VTA1: variants seen among roughly 807,000 people sequenced by gnomAD.
The protein encoded by VTA1 is vacuolar protein sorting-associated protein VTA1 homolog.
A neutral mutation model predicts 36.9 loss-of-function variants in VTA1; 24 were observed. The observed-to-expected ratio is 0.65, with a 90% CI of 0.47 to 0.91. The LOEUF (loss-of-function observed/expected upper bound fraction) is 0.91. VTA1 is among the 40% of genes least tolerant of loss of function. The pLI is 0.00. For synonymous variants in VTA1, 142 were observed against 130.2 expected, an observed-to-expected ratio of 1.09 and a Z score of -0.62; for missense variants, 393 against 377.2, an observed-to-expected ratio of 1.04 and a Z score of -0.35.
intron 1 of VTA1, among the ~76,000 whole-genome samples, chr6:142,161,078 T>TC (rs112484201): frequency 0.031 from 3,541 of 115,680 alleles, 215 homozygotes; most frequent in African/African-American, 0.072. Context: ...CTTCCTTCCT[T>TC]CCCCCCCCCC....
chr6:142,209,758 C>T (rs1179020477), intron 7 of VTA1, among the ~76,000 whole-genome samples: 4 of 151,566 alleles, frequency 2.6e-5, no homozygotes, highest in African/African-American at 9.7e-5. Context: ...TAGAAGTAGA[C>T]ACATAAAAAA....
At chr6:142,204,103 C>A in intron 7 of VTA1, 38 bp downstream of exon 7, 2 of 1,581,756 alleles carry the variant, frequency 1.3e-6, no homozygotes, top group South Asian at 1.1e-5. Context: ...ACATTTATCT[C>A]CTGTTTTGGG....
At chr6:142,179,056 G>T (rs2114654252) in intron 4 of VTA1, among the ~76,000 whole-genome samples, 1 of 151,926 alleles carries the variant, frequency 6.6e-6, no homozygotes, top group African/African-American at 2.4e-5. Context: ...AAATGTCTGT[G>T]CACCTAATAA....
chr6:142,174,871 G>A (rs1285596948), intron 4 of VTA1, among the ~76,000 whole-genome samples: 1 of 152,122 alleles, frequency 6.6e-6, no homozygotes, highest in Non-Finnish European at 1.5e-5. Context: ...CGACACGCTG[G>A]CTTCCTTTTG....
At chr6:142,187,666 C>G (rs1029051085) in intron 4 of VTA1, among the ~76,000 whole-genome samples, 2 of 152,082 alleles carry the variant, frequency 1.3e-5, no homozygotes, top group African/African-American at 4.8e-5. Flanking sequence ...AATGTCATAC[C>G]TGGAAGAAAA....
rs117642596 is a variant in VTA1, at chr6:142,163,991, G to T, written c.113-2237G>T. Among the ~76,000 whole-genome samples, 539 of 152,016 alleles carry T rather than the reference G, an allele frequency of 3.5e-3. 3 individuals are homozygous for T. Among genetic ancestry groups the T allele is most frequent in the Non-Finnish European group, 5.7e-3 (384 of 67,962 alleles). ...TTTCCATACTCTAGCCAATTGTTTTGCCAATCCCTGGGATCATATGGGACT... is the reference window on the plus strand; with the variant it reads ...TTTCCATACTCTAGCCAATTGTTTTTCCAATCCCTGGGATCATATGGGACT... On this transcript the variant is annotated intron_variant, in intron 1 of 7. Coordinates refer to ENST00000367630, the MANE Select transcript of VTA1 (RefSeq NM_016485.5).
chr6:142,194,445 T>C (rs1384162318), intron 5 of VTA1, among the ~76,000 whole-genome samples: 1 of 152,144 alleles, frequency 6.6e-6, no homozygotes, highest in African/African-American at 2.4e-5. Context: ...AGCGGTATTT[T>C]AGATTTTTTG....
At chr6:142,182,607 G>T (rs1299605755) in intron 4 of VTA1, among the ~76,000 whole-genome samples, 1 of 152,078 alleles carries the variant, frequency 6.6e-6, no homozygotes, top group African/African-American at 2.4e-5. Context: ...AAGATACAGA[G>T]AACTCAAAAA....
At chr6:142,161,835 G>A (rs1240290490) in intron 1 of VTA1, among the ~76,000 whole-genome samples, 1 of 152,068 alleles carries the variant, frequency 6.6e-6, no homozygotes, top group South Asian at 2.1e-4. Context: ...GTTTTCTTAA[G>A]TGAATTCAAG....
At chr6:142,151,503 T>C (rs929230441) in intron 1 of VTA1, among the ~76,000 whole-genome samples, 4 of 152,186 alleles carry the variant, frequency 2.6e-5, no homozygotes, top group Non-Finnish European at 5.9e-5. Flanking sequence ...CCTGCAAGGC[T>C]CTGCAGCTTA....
rs1420804433 is a variant in VTA1 at position 142,218,800 on chromosome 6, T to G, written c.*157T>G. On this transcript the variant is annotated 3_prime_UTR_variant, in exon 8 of 8. Transcript: ENST00000367630. ...TATCAGATTTTTATTGAAGCATTCA[T>G]CAGCAGCCTCAACCAGTTTTCATTG... The G allele has an allele frequency of 9.9e-6, 8 of 810,302 alleles. No individual in the cohort carries two copies. Among genetic ancestry groups the G allele is most frequent in the Non-Finnish European group, 1.4e-5 (8 of 557,388 alleles). The allele number at this position is 810,302 out of a possible 1,614,324, so 50.2% of individuals were successfully genotyped here. A position where few individuals can be genotyped will look rare whatever the true frequency, so the allele number is the denominator to read the frequency against.
chr6:142,157,597 C>T (rs913771761), intron 1 of VTA1, among the ~76,000 whole-genome samples: 6 of 152,032 alleles, frequency 3.9e-5, no homozygotes, highest in Non-Finnish European at 8.8e-5. Context: ...ATAACAGATT[C>T]TTAACTTTCA....
Position 142,170,441 on chromosome 6 carries a change from T to C in VTA1, c.411+20T>C. 6.6e-7 allele frequency: 1 copy of C among 1,505,940 alleles called. No homozygotes were observed. Among genetic ancestry groups the C allele is most frequent in the Non-Finnish European group, 9.1e-7 (1 of 1,100,040 alleles). The allele number at this position is 1,505,940 out of a possible 1,614,324, so 93.3% of individuals were successfully genotyped here. ...GATGAAGTGAGTGTACATTCTTTAT[T>C]GTCTTATTAGCTGAAGATCAGTAAT... On this transcript the variant is annotated intron_variant, in intron 4 of 7. Transcript: ENST00000367630.
chr6:142,168,662 G>A (rs1387332364), intron 2 of VTA1, among the ~76,000 whole-genome samples: 6 of 150,880 alleles, frequency 4.0e-5, no homozygotes, highest in Non-Finnish European at 8.9e-5. Flanking sequence ...TCCATAATTT[G>A]ATTCTGAGTT....
chr6:142,198,760 AT>A, intron 6 of VTA1, 145 bp downstream of exon 6: 1 of 713,168 alleles, frequency 1.4e-6, no homozygotes, highest in Non-Finnish European at 2.1e-6. Context: ...GAAACATTAA[AT>A]TATTTTCATT....
chr6:142,164,827 G>C (rs1284431474), intron 1 of VTA1, among the ~76,000 whole-genome samples: 3 of 152,140 alleles, frequency 2.0e-5, no homozygotes, highest in African/African-American at 7.2e-5. Flanking sequence ...TTTCATTCAT[G>C]TGTTTGTCTA....
At chr6:142,185,792 A>G (rs551596936) in intron 4 of VTA1, among the ~76,000 whole-genome samples, 3 of 152,348 alleles carry the variant, frequency 2.0e-5, no homozygotes, top group African/African-American at 4.8e-5. Flanking sequence ...AGCCACTTAC[A>G]TACCACAGAA....
At position 142,219,682 on chromosome 6, in the gene VTA1, G is replaced by A. The variant is rs928760746; in HGVS notation, c.*1039G>A. On this transcript the variant is annotated 3_prime_UTR_variant, in exon 8 of 8. Transcript: ENST00000367630. ...AGTCATTTTTATTTATAGGAATATG[G>A]GTGTTTCTATAGGAAGAAACAGGTT... The A allele has an allele frequency of 5.3e-5, 8 of 152,032 alleles. No homozygotes were observed. Among genetic ancestry groups the A allele is most frequent in the African/African-American group, 7.2e-5 (3 of 41,390 alleles). 9.4% of individuals were successfully genotyped at this position (152,032 alleles called of 1,614,324 possible). A position where few individuals can be genotyped will look rare whatever the true frequency, so the allele number is the denominator to read the frequency against.
chr6:142,198,989 G>T (rs1775624906), intron 6 of VTA1, among the ~76,000 whole-genome samples: 1 of 152,216 alleles, frequency 6.6e-6, no homozygotes, highest in East Asian at 1.9e-4. Flanking sequence ...GTGTCAGTCA[G>T]GGTCTCACTG....
Sources: allele counts gnomAD v4.1 joint callset (sites outside exome capture counted in the v4.1 genomes callset), GRCh38; gene constraint gnomAD v4.1.1; transcripts MANE v1.5; gene names NCBI Gene and HGNC (gene_info 2026-07-23, HGNC 2026-07-21).